Variants in DSTN observed in about 807,000 individuals in gnomAD.
DSTN encodes destrin.
DSTN carries 10 observed loss-of-function variants against 16.8 expected under a neutral mutation model. The observed-to-expected ratio is 0.60, with a 90% CI of 0.37 to 1.01. DSTN has a LOEUF of 1.01. Among genes scored for constraint, DSTN ranks in the 50% least tolerant of loss-of-function variants. The pLI is 0.01. For synonymous variants in DSTN, 57 were observed against 58.9 expected (o/e 0.97, Z 0.14); for missense variants, 141 against 196.7 (o/e 0.72, Z 1.69).
chr20:17,571,084 A>G (rs1202562950), intron 1 of DSTN, among the ~76,000 whole-genome samples: 1 of 152,236 alleles, frequency 6.6e-6, no homozygotes, highest in Non-Finnish European at 1.5e-5. Flanking sequence ...ATTCTATATG[A>G]TGGACATTTT....
intron 2 of DSTN, among the ~76,000 whole-genome samples, chr20:17,602,449 T>TG (rs2035596815): frequency 6.6e-6 from 1 of 151,608 alleles, no homozygotes; most frequent in Non-Finnish European, 1.5e-5. Flanking sequence ...TTTGCAGGTA[T>TG]TTTTTCTGCT....
chr20:17,570,078 C>G lies in DSTN; in HGVS notation c.-131C>G, dbSNP rs774260347. 4.0e-5 allele frequency: 55 copies of G among 1,392,060 alleles called. No individual in the cohort carries two copies. The highest frequency in any genetic ancestry group is 4.8e-5 in the Non-Finnish European group (51 of 1,054,486). 86.2% of individuals were successfully genotyped at this position (1,392,060 alleles called of 1,614,324 possible). On this transcript the variant is annotated 5_prime_UTR_variant, in exon 1 of 4. Coordinates refer to ENST00000246069, the MANE Select transcript of DSTN (RefSeq NM_006870.4). The stretch of plus-strand genomic sequence containing the variant: ...CGTTCCGTCCTGAGGCGCGCCCGCC[C>G]CGGGGTAAGCTCGCGCCGCCGCGTC...
chr20:17,591,145 A>G (rs1378540238), intron 1 of DSTN, among the ~76,000 whole-genome samples: 1 of 152,214 alleles, frequency 6.6e-6, no homozygotes, highest in Non-Finnish European at 1.5e-5. Context: ...TACTGAAAGA[A>G]TGGGACTGAT....
At chr20:17,600,398 A>G (rs2035573500) in intron 1 of DSTN, among the ~76,000 whole-genome samples, 1 of 152,216 alleles carries the variant, frequency 6.6e-6, no homozygotes, top group African/African-American at 2.4e-5. Context: ...CACTGGGAAG[A>G]TGATCTGCCT....
At chr20:17,576,981 A>G (rs1411242798) in intron 1 of DSTN, among the ~76,000 whole-genome samples, 3 of 152,212 alleles carry the variant, frequency 2.0e-5, no homozygotes, top group African/African-American at 4.8e-5. Context: ...TTGAACACCA[A>G]CATATGGAAA....
In DSTN at chr20:17,570,085, A is replaced by C; in HGVS notation, c.-124A>C. ...TCCTGAGGCGCGCCCGCCCCGGGGTAAGCTCGCGCCGCCGCGTCAGCTCAG... is the reference window on the plus strand; with the variant it reads ...TCCTGAGGCGCGCCCGCCCCGGGGTCAGCTCGCGCCGCCGCGTCAGCTCAG... On this transcript the variant is annotated 5_prime_UTR_variant, in exon 1 of 4. Coordinates refer to ENST00000246069, the MANE Select transcript of DSTN (RefSeq NM_006870.4). 1 of 1,401,070 alleles carries C rather than the reference A, an allele frequency of 7.1e-7. No individual in the cohort carries two copies. The highest frequency in any genetic ancestry group is 1.3e-5 in the South Asian group (1 of 74,222). 86.8% of individuals were successfully genotyped at this position (1,401,070 alleles called of 1,614,324 possible).
At position 17,608,729 on chromosome 20, in the gene DSTN, A is replaced by T. The variant is rs2035668699; in HGVS notation, c.*1583A>T. The stretch of plus-strand genomic sequence containing the variant: ...ATAAGTGTAATAAATATTATACAAA[A>T]TTATAAATTCACATTTAAAATTTAG... On this transcript the variant is annotated 3_prime_UTR_variant, in exon 4 of 4. Coordinates refer to ENST00000246069, the MANE Select transcript of DSTN (RefSeq NM_006870.4). 6.6e-6 allele frequency: 1 copy of T among 152,176 alleles called. No individual in the cohort carries two copies. 9.4% of individuals were successfully genotyped at this position (152,176 alleles called of 1,614,324 possible).
At chr20:17,587,973 C>A (rs2035429609) in intron 1 of DSTN, among the ~76,000 whole-genome samples, 1 of 152,154 alleles carries the variant, frequency 6.6e-6, no homozygotes, top group African/African-American at 2.4e-5. Context: ...GACATCTTCA[C>A]CTTATGTAAA....
At chr20:17,591,404 G>T (rs1415597531) in intron 1 of DSTN, among the ~76,000 whole-genome samples, 1 of 151,748 alleles carries the variant, frequency 6.6e-6, no homozygotes, top group Non-Finnish European at 1.5e-5. Context: ...TCCAGAAAGG[G>T]CCCATAGGCT....
chr20:17,603,493 A>T (rs1291495384), intron 2 of DSTN, among the ~76,000 whole-genome samples: 1 of 152,176 alleles, frequency 6.6e-6, no homozygotes, highest in African/African-American at 2.4e-5. Context: ...TTAAGTGTGG[A>T]CTTACTGTAC....
In DSTN at chr20:17,604,660, A is replaced by G. The variant is rs1002253514; in HGVS notation, c.388+29A>G. 2.5e-6 allele frequency: 4 copies of G among 1,597,024 alleles called. No homozygotes were observed. In the African/African-American group the frequency reaches 5.4e-5, roughly 22 times the overall value. ...TGTTCTAGATGACCTCTGAATATGT[A>G]GAGGTATGGTGAACACTCAGAATGG... On this transcript the variant is annotated intron_variant, in intron 3 of 3. Coordinates refer to ENST00000246069, the MANE Select transcript of DSTN (RefSeq NM_006870.4).
chr20:17,594,074 G>A (rs916094650), intron 1 of DSTN, among the ~76,000 whole-genome samples: 1 of 113,594 alleles, frequency 8.8e-6, no homozygotes, highest in Non-Finnish European at 1.7e-5. Context: ...AAGTGACACC[G>A]TATCTCAAAA....
At chr20:17,574,870 G>GTTTTTTTTTTTTTTT (rs533880691) in intron 1 of DSTN, among the ~76,000 whole-genome samples, 5 of 81,158 alleles carry the variant, frequency 6.2e-5, no homozygotes, top group Non-Finnish European at 1.1e-4. Context: ...CTTTTCTTTT[G>GTTTTTTTTTTTTTTT]TTTTTTTTTT....
At chr20:17,602,823 G>A (rs944911179) in intron 2 of DSTN, among the ~76,000 whole-genome samples, 1 of 152,060 alleles carries the variant, frequency 6.6e-6, no homozygotes, top group Non-Finnish European at 1.5e-5. Context: ...TCAAGAGATC[G>A]AGACCATCCT....
At chr20:17,597,362 G>A (rs1356943153) in intron 1 of DSTN, among the ~76,000 whole-genome samples, 2 of 152,142 alleles carry the variant, frequency 1.3e-5, no homozygotes, top group Admixed American at 6.5e-5. Context: ...TAATGAATGA[G>A]ATGATGAAAT....
At chr20:17,600,688 T>C in intron 1 of DSTN, 50 bp from the exon 2 acceptor site, 1 of 1,493,288 alleles carries the variant, frequency 6.7e-7, no homozygotes, top group South Asian at 1.4e-5. Context: ...ATTTTATGTT[T>C]GGCACAATAA....
intron 1 of DSTN, among the ~76,000 whole-genome samples, chr20:17,596,459 A>G (rs894040662): frequency 2.6e-5 from 4 of 152,076 alleles, no homozygotes; most frequent in African/African-American, 9.7e-5. Flanking sequence ...CTGTTCATAT[A>G]TTGCAGTCTA....
chr20:17,572,528 C>T (rs1258158266), intron 1 of DSTN, among the ~76,000 whole-genome samples: 5 of 152,114 alleles, frequency 3.3e-5, no homozygotes, highest in Non-Finnish European at 5.9e-5. Flanking sequence ...TGTAGTCTTG[C>T]CCCTGAAGTA....
intron 1 of DSTN, among the ~76,000 whole-genome samples, chr20:17,580,136 T>C (rs1223019486): frequency 6.6e-6 from 1 of 152,266 alleles, no homozygotes; most frequent in Non-Finnish European, 1.5e-5. Context: ...GGAATCATTG[T>C]ATATAATCAA....
Sources: gnomAD v4.1 joint callset for allele counts (sites outside exome capture counted in the v4.1 genomes callset) on GRCh38, gnomAD v4.1.1 for gene constraint, MANE v1.5 for transcripts, NCBI Gene and HGNC (gene_info 2026-07-23, HGNC 2026-07-21) for gene names.